ERGIC1: variants seen among roughly 807,000 people sequenced by gnomAD.
ERGIC1 encodes endoplasmic reticulum-golgi intermediate compartment 1, also known as endoplasmic reticulum-Golgi intermediate compartment protein 1.
A neutral mutation model predicts 38.3 loss-of-function variants in ERGIC1; 19 were observed. The ratio of observed to expected loss-of-function variants is 0.50; its 90% CI spans 0.35 to 0.73. The LOEUF (loss-of-function observed/expected upper bound fraction) is 0.73, where lower values mean the gene tolerates loss of function less well. Among genes scored for constraint, ERGIC1 ranks in the 30% least tolerant of loss-of-function variants. The pLI, the probability that ERGIC1 is intolerant of heterozygous loss-of-function variation, is 0.01. For missense variants in ERGIC1, 294 were observed against 389.2 expected, an observed-to-expected ratio of 0.76 and a Z score of 2.06; for synonymous variants, 124 against 157.6, an observed-to-expected ratio of 0.79 and a Z score of 1.60.
intron 1 of ERGIC1, among the ~76,000 whole-genome samples, chr5:172,847,815 A>G (rs1204544099): frequency 6.6e-6 from 1 of 152,198 alleles, no homozygotes. Flanking sequence ...GCCCGGCCAC[A>G]TGTGTTATTT....
intron 9 of ERGIC1, among the ~76,000 whole-genome samples, chr5:172,941,929 G>A (rs562936726): frequency 2.0e-5 from 3 of 152,300 alleles, no homozygotes; most frequent in South Asian, 2.1e-4. Flanking sequence ...TGACAAGGCC[G>A]GGCGCAGTGG....
chr5:172,834,501 C>T lies in ERGIC1; in HGVS notation c.20+68C>T. On this transcript the variant is annotated intron_variant, in intron 1 of 9. Coordinates refer to ENST00000393784, the MANE Select transcript of ERGIC1 (RefSeq NM_001031711.3). This position sits in a 1 kb window ranked among gnomAD's most constrained non-coding sequence, Gnocchi z 4.1. ...GCAGAGGGAGCGCCCCGGCACGCCG[C>T]GGACCCCTCCCGCCCTGCATGCAAA... 3 of 1,256,802 alleles carry T rather than the reference C, an allele frequency of 2.4e-6. No homozygotes were observed. The highest frequency in any genetic ancestry group is 2.8e-5 in the South Asian group (1 of 35,586). 77.9% of individuals were successfully genotyped at this position (1,256,802 alleles called of 1,614,324 possible). A position where few individuals can be genotyped will look rare whatever the true frequency, so the allele number is the denominator to read the frequency against.
chr5:172,940,103 C>A (rs996524284), intron 9 of ERGIC1, among the ~76,000 whole-genome samples: 5 of 151,894 alleles, frequency 3.3e-5, no homozygotes, highest in Non-Finnish European at 7.4e-5. Flanking sequence ...GGCTGGGAGG[C>A]AGCTGTGGGT....
intron 1 of ERGIC1, among the ~76,000 whole-genome samples, chr5:172,883,406 T>A (rs1364512967): frequency 2.6e-5 from 4 of 152,218 alleles, no homozygotes; most frequent in Non-Finnish European, 1.5e-5. Flanking sequence ...GTCTCTTTAG[T>A]CTCCTTCAAT....
intron 1 of ERGIC1, among the ~76,000 whole-genome samples, chr5:172,879,700 G>A (rs1192558085): frequency 6.6e-6 from 1 of 152,198 alleles, no homozygotes; most frequent in Non-Finnish European, 1.5e-5. Flanking sequence ...ACCCATCGGG[G>A]GCAGGAGCAG....
intron 3 of ERGIC1, among the ~76,000 whole-genome samples, chr5:172,908,317 G>C (rs1581563415): frequency 3.5e-5 from 1 of 28,406 alleles, no homozygotes; most frequent in Non-Finnish European, 7.0e-5. Context: ...GGGGGGGGGG[G>C]GAGAGAGGGG....
intron 1 of ERGIC1, among the ~76,000 whole-genome samples, chr5:172,883,250 T>A (rs543477484): frequency 1.3e-5 from 2 of 152,316 alleles, no homozygotes; most frequent in South Asian, 4.1e-4. Context: ...GATGTTAACA[T>A]CTTACATAAT....
chr5:172,890,775 C>A (rs554786464), intron 2 of ERGIC1, among the ~76,000 whole-genome samples: 5 of 152,348 alleles, frequency 3.3e-5, no homozygotes, highest in South Asian at 4.1e-4. Flanking sequence ...AACTGCCCCC[C>A]TGATGGTCCC....
At position 172,886,448 on chromosome 5, in the gene ERGIC1, G is replaced by A. The variant is rs563905968; in HGVS notation, c.21-2251G>A. ...CCCTCCTGAGTTAATCCAGCACCTC[G>A]TGATGAGGATGCCACTACCTTCTCC... On this transcript the variant is annotated intron_variant, in intron 1 of 9. Transcript: ENST00000393784. Among the ~76,000 whole-genome samples, 249 of 152,130 alleles carry A rather than the reference G, an allele frequency of 1.6e-3. 2 individuals carry two copies. Among genetic ancestry groups the A allele is most frequent in the Middle Eastern group, 3.4e-3 (1 of 294 alleles).
chr5:172,950,164 A>C (rs543658952), intron 9 of ERGIC1, among the ~76,000 whole-genome samples: 8 of 152,336 alleles, frequency 5.3e-5, no homozygotes, highest in Non-Finnish European at 1.2e-4. Flanking sequence ...TTTTGCATTT[A>C]TTGGTATGAT....
At chr5:172,907,363 G>T (rs1763060951) in intron 3 of ERGIC1, among the ~76,000 whole-genome samples, 1 of 152,186 alleles carries the variant, frequency 6.6e-6, no homozygotes, top group Admixed American at 6.5e-5. Flanking sequence ...TTCAAGACCA[G>T]CCTGGCCAAC....
At chr5:172,842,108 G>A (rs941502949) in intron 1 of ERGIC1, among the ~76,000 whole-genome samples, 3 of 152,266 alleles carry the variant, frequency 2.0e-5, no homozygotes, top group South Asian at 2.1e-4. Context: ...GTGCAATGGC[G>A]CAATCTCGGC....
chr5:172,937,997 CAAAAAA>C (rs1247788648), intron 9 of ERGIC1: 2 of 124,860 alleles, frequency 1.6e-5, no homozygotes, highest in African/African-American at 6.8e-5. Flanking sequence ...GACTCCGTCT[CAAAAAA>C]AAAAAAGAAA....
chr5:172,900,972 A>G (rs1473339468), intron 3 of ERGIC1, among the ~76,000 whole-genome samples: 2 of 152,212 alleles, frequency 1.3e-5, no homozygotes, highest in African/African-American at 2.4e-5. Flanking sequence ...AGGAGAAAGC[A>G]TCACATCTTT....
chr5:172,915,135 C>T, intron 5 of ERGIC1: 1 of 673,600 alleles, frequency 1.5e-6, no homozygotes, highest in East Asian at 2.7e-5. Flanking sequence ...GGGTTCAAGT[C>T]CCAGCTCTAC....
chr5:172,875,192 AG>A (rs1271116695), intron 1 of ERGIC1, among the ~76,000 whole-genome samples: 3 of 152,144 alleles, frequency 2.0e-5, no homozygotes, highest in African/African-American at 7.2e-5. Context: ...GGACTAGAAG[AG>A]GTTTAAATAA....
At chr5:172,860,512 C>G (rs1761669625) in intron 1 of ERGIC1, among the ~76,000 whole-genome samples, 1 of 152,246 alleles carries the variant, frequency 6.6e-6, no homozygotes, top group African/African-American at 2.4e-5. Context: ...GCATCTGCCC[C>G]CCTCACCACT....
intron 4 of ERGIC1, among the ~76,000 whole-genome samples, chr5:172,914,234 CAAAAAAAAAAA>C (rs35584191): frequency 9.8e-6 from 1 of 102,180 alleles, no homozygotes; most frequent in East Asian, 3.3e-4. Flanking sequence ...GACTCTGTCT[CAAAAAAAAAAA>C]AAAAAAAAAA....
rs575122074 is a variant in ERGIC1 at position 172,842,718 on chromosome 5, G to A, written c.20+8285G>A. On this transcript the variant is annotated intron_variant, in intron 1 of 9. Transcript: ENST00000393784. ...TAATAGCCATCCTAACAGGTATGAG[G>A]TGCCATTTCATTGTGATTTTTATTT... Among the ~76,000 whole-genome samples, 6 of 152,338 alleles carry A rather than the reference G, an allele frequency of 3.9e-5. No individual in the cohort carries two copies. In the East Asian group the frequency reaches 7.7e-4, roughly 20 times the overall value.
Sources: gnomAD v4.1 joint callset for allele counts (sites outside exome capture counted in the v4.1 genomes callset) on GRCh38, gnomAD v4.1.1 for gene constraint, Gnocchi (gnomAD v3.1) non-coding constraint, MANE v1.5 for transcripts, NCBI Gene and HGNC (gene_info 2026-07-23, HGNC 2026-07-21) for gene names.